Variants in BNC2 observed in about 807,000 individuals in gnomAD.
BNC2 encodes the protein basonuclin zinc finger protein 2.
BNC2 carries 20 observed loss-of-function variants against 76.3 expected under a neutral mutation model. The observed-to-expected ratio is 0.26, with a 90% confidence interval of 0.18 to 0.38. BNC2 has a LOEUF of 0.38. Ranked by LOEUF, BNC2 falls within the 10% of genes least tolerant of loss-of-function variation. The pLI is 1.00. For missense variants in BNC2, 1,382 were observed against 1,399.8 expected (o/e 0.99, Z 0.20); for synonymous variants, 582 against 514.8 (o/e 1.13, Z -1.77).
intron 1 of BNC2, among the ~76,000 whole-genome samples, chr9:16,819,752 C>T (rs7024447): frequency 0.46 from 69,963 of 151,914 alleles, 17,450 homozygotes; most frequent in Non-Finnish European, 0.57. Flanking sequence ...CCAGTAGGTA[C>T]CCATACCAAG....
intron 2 of BNC2, among the ~76,000 whole-genome samples, chr9:16,736,798 A>G (rs958351856): frequency 2.8e-5 from 4 of 144,162 alleles, no homozygotes; most frequent in Admixed American, 2.1e-4. Context: ...TCTTTCTGAG[A>G]TGGATAATGG....
At position 16,486,612 on chromosome 9, in the gene BNC2, C is replaced by T. The variant is rs373769418; in HGVS notation, c.670-49088G>A. Among the ~76,000 whole-genome samples, 55 of 152,318 alleles carry T rather than the reference C, an allele frequency of 3.6e-4. 1 individual carries two copies. In the South Asian group the frequency reaches 0.011, roughly 31 times the overall value. On this transcript the variant is annotated intron_variant, in intron 5 of 6. Coordinates refer to ENST00000380672, the MANE Select transcript of BNC2 (RefSeq NM_017637.6). ...TATATTCCTCAGAAACATTTAATGACACATTAGGCTCTCAAATATTTGCAC... is the reference window on the plus strand; with the variant it reads ...TATATTCCTCAGAAACATTTAATGATACATTAGGCTCTCAAATATTTGCAC...
Position 16,437,270 on chromosome 9 carries a change from G to C in BNC2, c.924C>G (p.Ser308Arg). Residue 308 changes from serine (S) to arginine (R), a missense_variant, in exon 6 of 7, where the codon AGC (serine) becomes AGG (arginine). Transcript: ENST00000380672. ...LAHLENSNPS[S>R]IHHFENIPNS... ...TTGGGATGTTTTCGAAGTGATGAATGCTGGAAGGATTGCTGTTCTCTAAGT... is the reference window on the plus strand; with the variant it reads ...TTGGGATGTTTTCGAAGTGATGAATCCTGGAAGGATTGCTGTTCTCTAAGT... 3 of 1,614,194 alleles carry C rather than the reference G, an allele frequency of 1.9e-6. No homozygotes were observed. The highest frequency in any genetic ancestry group is 2.5e-6 in the Non-Finnish European group (3 of 1,180,040).
intron 3 of BNC2, among the ~76,000 whole-genome samples, chr9:16,687,981 G>A (rs1050031616): frequency 6.6e-6 from 1 of 152,168 alleles, no homozygotes; most frequent in Non-Finnish European, 1.5e-5. Context: ...AAAGGAACTA[G>A]TAGGGAAGTG....
intron 5 of BNC2, among the ~76,000 whole-genome samples, chr9:16,474,680 T>A (rs148188830): frequency 1.8e-4 from 27 of 152,316 alleles, no homozygotes; most frequent in African/African-American, 4.8e-4. Context: ...CTTCATATAG[T>A]GTAATAGAAA....
intron 3 of BNC2, among the ~76,000 whole-genome samples, chr9:16,596,639 T>C (rs1160512653): frequency 1.3e-5 from 2 of 152,070 alleles, no homozygotes; most frequent in African/African-American, 2.4e-5. Context: ...AACTACAATA[T>C]ATTTTGAACA....
At chr9:16,633,537 C>T (rs1016328021) in intron 3 of BNC2, among the ~76,000 whole-genome samples, 15 of 152,132 alleles carry the variant, frequency 9.9e-5, no homozygotes, top group African/African-American at 2.2e-4. Context: ...TTTGGTAGTG[C>T]GGTAGCTCTA....
chr9:16,614,911 G>A (rs1054244041), intron 3 of BNC2, among the ~76,000 whole-genome samples: 7 of 139,518 alleles, frequency 5.0e-5, no homozygotes, highest in Non-Finnish European at 7.7e-5. Context: ...AGCTGTCATC[G>A]GGCCACTGTA....
At chr9:16,655,620 T>C (rs746502723) in intron 3 of BNC2, among the ~76,000 whole-genome samples, 4 of 152,232 alleles carry the variant, frequency 2.6e-5, no homozygotes, top group African/African-American at 4.8e-5. Context: ...ATCAGACTTT[T>C]AAAAAATCGA....
At chr9:16,792,878 T>C (rs1377595796) in intron 1 of BNC2, among the ~76,000 whole-genome samples, 1 of 152,230 alleles carries the variant, frequency 6.6e-6, no homozygotes, top group Non-Finnish European at 1.5e-5. Context: ...GGGAGCCTAA[T>C]AAGGATGTAT....
intron 1 of BNC2, among the ~76,000 whole-genome samples, chr9:16,824,324 TAA>T (rs1439287043): frequency 3.3e-5 from 5 of 152,198 alleles, no homozygotes; most frequent in Non-Finnish European, 5.9e-5. Context: ...TGACAGAAAT[TAA>T]AAGACTTGAA....
intron 1 of BNC2, among the ~76,000 whole-genome samples, chr9:16,823,109 G>T (rs1413724718): frequency 6.6e-6 from 1 of 152,100 alleles, no homozygotes; most frequent in Non-Finnish European, 1.5e-5. Flanking sequence ...ATTGAGCTAA[G>T]TTTCCTGAAT....
chr9:16,483,134 G>A (rs1822094662), intron 5 of BNC2, among the ~76,000 whole-genome samples: 1 of 152,078 alleles, frequency 6.6e-6, no homozygotes, highest in Non-Finnish European at 1.5e-5. Flanking sequence ...TGGTGTGATG[G>A]GAATGAGACG....
intron 1 of BNC2, among the ~76,000 whole-genome samples, chr9:16,785,557 GCTT>G (rs776625989): frequency 1.2e-5 from 1 of 80,604 alleles, no homozygotes; most frequent in South Asian, 4.7e-4. Flanking sequence ...ACTACACCCG[GCTT>G]TTTTTTTTTT....
intron 3 of BNC2, among the ~76,000 whole-genome samples, chr9:16,699,585 AAC>A (rs1223577345): frequency 6.6e-6 from 1 of 152,242 alleles, no homozygotes; most frequent in East Asian, 1.9e-4. Flanking sequence ...ACTGTTGATA[AAC>A]AGATACCAAG....
intron 5 of BNC2, among the ~76,000 whole-genome samples, chr9:16,494,780 T>A (rs1415383659): frequency 6.6e-6 from 1 of 151,924 alleles, no homozygotes; most frequent in Non-Finnish European, 1.5e-5. Context: ...TGGATTTTCA[T>A]GAGAACACAT....
chr9:16,618,593 G>T (rs1051537718), intron 3 of BNC2, among the ~76,000 whole-genome samples: 5 of 152,088 alleles, frequency 3.3e-5, no homozygotes, highest in Non-Finnish European at 5.9e-5. Context: ...TATACCCTAG[G>T]ATAAAAGAAT....
chr9:16,604,918 C>T (rs1820340626), intron 3 of BNC2, among the ~76,000 whole-genome samples: 1 of 152,138 alleles, frequency 6.6e-6, no homozygotes, highest in Admixed American at 6.5e-5. Flanking sequence ...TTGTGGGTGT[C>T]AGTCTGTTTT....
chr9:16,722,947 T>C (rs964339498), intron 3 of BNC2, among the ~76,000 whole-genome samples: 1 of 152,192 alleles, frequency 6.6e-6, no homozygotes, highest in African/African-American at 2.4e-5. Flanking sequence ...TACCCAAATA[T>C]TCCTACTTTA....
Sources: allele counts gnomAD v4.1 joint callset (sites outside exome capture counted in the v4.1 genomes callset), GRCh38; gene constraint gnomAD v4.1.1; transcripts MANE v1.5; gene names NCBI Gene and HGNC (gene_info 2026-07-23, HGNC 2026-07-21).